The following FLI1 variants were observed in gnomAD, a reference collection of about 807,000 sequenced individuals.
The protein encoded by FLI1 is Friend leukemia integration 1 transcription factor.
FLI1 carries 13 observed loss-of-function variants against 53.1 expected under a neutral mutation model. The ratio of observed to expected loss-of-function variants is 0.24; its 90% CI spans 0.16 to 0.39. The LOEUF (loss-of-function observed/expected upper bound fraction) is 0.39. Among genes scored for constraint, FLI1 ranks in the 10% least tolerant of loss-of-function variants. The pLI, the probability that FLI1 is intolerant of heterozygous loss-of-function variation, is 1.00. For missense variants in FLI1, 424 were observed against 600.5 expected (o/e 0.71, Z 3.07); for synonymous variants, 244 against 236.7 (o/e 1.03, Z -0.28).
chr11:128,709,212 C>G (rs1938686249), intron 1 of FLI1, among the ~76,000 whole-genome samples: 1 of 152,186 alleles, frequency 6.6e-6, no homozygotes, highest in South Asian at 2.1e-4. Flanking sequence ...TTCTACCAAC[C>G]TTACTAATAA....
At chr11:128,763,314 A>G (rs1280727276) in intron 2 of FLI1, among the ~76,000 whole-genome samples, 1 of 151,998 alleles carries the variant, frequency 6.6e-6, no homozygotes, top group East Asian at 1.9e-4. Flanking sequence ...CTCTTTCTTC[A>G]TATCTTCCTG....
chr11:128,810,355 G>T lies in FLI1; in HGVS notation c.830-104G>T, dbSNP rs752914569. ...GATCCCAATGTCGAAGGAAACAAAA[G>T]GTTTCTTTAAAAGGATGAGAAGCTC... On this transcript the variant is annotated intron_variant, in intron 8 of 8. Coordinates refer to ENST00000527786, the MANE Select transcript of FLI1 (RefSeq NM_002017.5). This position sits in a 1 kb window ranked among gnomAD's most constrained non-coding sequence, Gnocchi z 6.6. 2.6e-6 allele frequency: 3 copies of T among 1,152,194 alleles called. No individual in the cohort carries two copies. Among genetic ancestry groups the T allele is most frequent in the Non-Finnish European group, 3.7e-6 (3 of 818,226 alleles). 71.4% of individuals were successfully genotyped at this position (1,152,194 alleles called of 1,614,324 possible).
chr11:128,713,654 T>C (rs746290575), intron 1 of FLI1, among the ~76,000 whole-genome samples: 1 of 149,480 alleles, frequency 6.7e-6, no homozygotes, highest in Admixed American at 6.7e-5. Flanking sequence ...TTGTTATAAG[T>C]GCAAAGGGTT....
At chr11:128,689,674 C>G (rs887730604), upstream of FLI1, among the ~76,000 whole-genome samples, 2 of 152,182 alleles carry the variant, frequency 1.3e-5, no homozygotes, top group Non-Finnish European at 2.9e-5. Flanking sequence ...GAAGCTGAAC[C>G]CACCTTGGCC....
intron 5 of FLI1, among the ~76,000 whole-genome samples, chr11:128,800,648 C>CAT (rs1942608734): frequency 6.6e-6 from 1 of 152,186 alleles, no homozygotes; most frequent in African/African-American, 2.4e-5. Flanking sequence ...TCTCCATGCT[C>CAT]ATATTTCTCT....
chr11:128,759,895 A>G (rs1941039949), intron 2 of FLI1, among the ~76,000 whole-genome samples: 1 of 152,228 alleles, frequency 6.6e-6, no homozygotes, highest in Admixed American at 6.5e-5. Context: ...TCTAGATTGA[A>G]GAGAGAGAAG....
At chr11:128,756,590 A>G (rs1185516787) in intron 1 of FLI1, among the ~76,000 whole-genome samples, 1 of 152,192 alleles carries the variant, frequency 6.6e-6, no homozygotes, top group Non-Finnish European at 1.5e-5. Context: ...CATGATACCT[A>G]ACATGTTCTG....
chr11:128,741,630 C>T (rs1311743892), intron 1 of FLI1, among the ~76,000 whole-genome samples: 1 of 152,216 alleles, frequency 6.6e-6, no homozygotes, highest in Non-Finnish European at 1.5e-5. Context: ...GCTGTGTGAT[C>T]TGCAGAGGAG....
At chr11:128,767,486 G>A (rs1386730511) in intron 2 of FLI1, among the ~76,000 whole-genome samples, 1 of 152,234 alleles carries the variant, frequency 6.6e-6, no homozygotes, top group African/African-American at 2.4e-5. Context: ...AAAGGAGATA[G>A]TAACCCTTGC....
At chr11:128,696,263 G>A (rs555172) in intron 1 of FLI1, among the ~76,000 whole-genome samples, 74,819 of 151,996 alleles carry the variant, frequency 0.49, 18,672 homozygotes, top group African/African-American at 0.57. Flanking sequence ...TGGCTAGGCT[G>A]AGTCCCCACA....
intron 3 of FLI1, chr11:128,768,526 A>G: frequency 4.5e-6 from 2 of 445,786 alleles, no homozygotes; most frequent in Admixed American, 3.4e-5. Context: ...TAAAAAAAAA[A>G]AAAAATACAA....
At chr11:128,723,287 T>C (rs1939332204) in intron 1 of FLI1, among the ~76,000 whole-genome samples, 1 of 152,008 alleles carries the variant, frequency 6.6e-6, no homozygotes, top group Admixed American at 6.6e-5. Flanking sequence ...TCAGGCAGTG[T>C]AGGCGGGATG....
intron 2 of FLI1, among the ~76,000 whole-genome samples, chr11:128,761,112 C>T (rs1941101967): frequency 6.6e-6 from 1 of 152,198 alleles, no homozygotes; most frequent in South Asian, 2.1e-4. Flanking sequence ...CTACTGCCCC[C>T]TCCCTCCCAC....
chr11:128,725,752 A>G (rs1209383653), intron 1 of FLI1, among the ~76,000 whole-genome samples: 1 of 150,946 alleles, frequency 6.6e-6, no homozygotes, highest in Non-Finnish European at 1.5e-5. Flanking sequence ...TTATGAAGGG[A>G]AAAAAAAACC....
At chr11:128,775,158 G>C (rs1268019977) in intron 4 of FLI1, among the ~76,000 whole-genome samples, 1 of 152,118 alleles carries the variant, frequency 6.6e-6, no homozygotes, top group African/African-American at 2.4e-5. Flanking sequence ...CAGATATCCA[G>C]AGTGGAGGAT....
chr11:128,743,390 G>A (rs1276230542), intron 1 of FLI1, among the ~76,000 whole-genome samples: 5 of 146,842 alleles, frequency 3.4e-5, no homozygotes, highest in Non-Finnish European at 7.4e-5. Flanking sequence ...GGGCAACATG[G>A]CAAGACCATG....
chr11:128,778,086 C>T lies in FLI1; in HGVS notation c.590-3872C>T, dbSNP rs192275059. Among the ~76,000 whole-genome samples the T allele has an allele frequency of 9.8e-5, 15 of 152,292 alleles. No homozygotes were observed. The East Asian group carries it at 2.7e-3, about 27-fold the overall frequency. Reference sequence around the variant, plus strand: ...TATTCTCAGCAGGAGCTACTTTATGCTTTTTAGAGCAAAAATGCCCTCAAT... The same window carrying T: ...TATTCTCAGCAGGAGCTACTTTATGTTTTTTAGAGCAAAAATGCCCTCAAT... On this transcript the variant is annotated intron_variant, in intron 4 of 8. Coordinates refer to ENST00000527786, the MANE Select transcript of FLI1 (RefSeq NM_002017.5).
intron 1 of FLI1, among the ~76,000 whole-genome samples, chr11:128,724,816 G>T (rs746214267): frequency 1.8e-4 from 27 of 152,146 alleles, no homozygotes; most frequent in Non-Finnish European, 3.4e-4. Flanking sequence ...GGTCAAAGCA[G>T]GCCTTATTTA....
chr11:128,752,079 G>T lies in FLI1; in HGVS notation c.19-6036G>T, dbSNP rs577298381. 1.2e-3 allele frequency among the ~76,000 whole-genome samples: 177 copies of T among 151,434 alleles called. 1 individual carries two copies. The highest frequency in any genetic ancestry group is 2.2e-3 in the Non-Finnish European group (148 of 67,840). On this transcript the variant is annotated intron_variant, in intron 1 of 8. Transcript: ENST00000527786. ...CAAGCTCCGCCTCCTGGGTTCAATC[G>T]ATTCTCCTGCCTCAGCCTCCTGAGT...
Sources: gnomAD v4.1 joint callset for allele counts (sites outside exome capture counted in the v4.1 genomes callset) on GRCh38, gnomAD v4.1.1 for gene constraint, Gnocchi (gnomAD v3.1) non-coding constraint, MANE v1.5 for transcripts, NCBI Gene and HGNC (gene_info 2026-07-23, HGNC 2026-07-21) for gene names.